TAS2R1: variants seen among roughly 807,000 people sequenced by gnomAD.
TAS2R1 encodes the protein taste 2 receptor member 1, also known as taste receptor type 2 member 1.
For missense variants in TAS2R1, 370 were observed against 353.4 expected (o/e 1.05, Z -0.38); for synonymous variants, 141 against 134.2 (o/e 1.05, Z -0.35).
At chr5:9,836,693 G>A in the TAS2R1 span, among the ~76,000 whole-genome samples, 9,119 of 152,214 alleles carry the variant, frequency 0.06, 650 homozygotes, top group East Asian at 0.23. Flanking sequence ...TCCTTTTCCT[G>A]ATGGTTAGTG....
intron 1 of TAS2R1, among the ~76,000 whole-genome samples, chr5:9,704,363 G>GAA (rs5865850): frequency 2.0e-5 from 3 of 148,084 alleles, no homozygotes; most frequent in South Asian, 2.2e-4. Flanking sequence ...GCTCCACTGA[G>GAA]AAAAAAAAAA....
the TAS2R1 span, among the ~76,000 whole-genome samples, chr5:9,748,752 C>T: frequency 6.6e-6 from 1 of 152,162 alleles, no homozygotes; most frequent in African/African-American, 2.4e-5. Flanking sequence ...AAATACATCC[C>T]ATTAGGCCTC....
intron 2 of TAS2R1, among the ~76,000 whole-genome samples, chr5:9,656,563 A>G (rs1740421852): frequency 6.6e-6 from 1 of 152,156 alleles, no homozygotes; most frequent in Non-Finnish European, 1.5e-5. Flanking sequence ...TCAGCCTTTG[A>G]TACTATTAAG....
At chr5:9,782,443 G>T in the TAS2R1 span, among the ~76,000 whole-genome samples, 1 of 90,764 alleles carries the variant, frequency 1.1e-5, no homozygotes, top group African/African-American at 4.3e-5. Flanking sequence ...CCCTGGGTGG[G>T]CATCCTGATG....
chr5:9,882,195 T>C, the TAS2R1 span, among the ~76,000 whole-genome samples: 2 of 152,078 alleles, frequency 1.3e-5, no homozygotes, highest in African/African-American at 2.4e-5. Context: ...CCAAAGGACA[T>C]GAACAGACAC....
upstream of TAS2R1, among the ~76,000 whole-genome samples, chr5:9,716,670 T>C (rs1357614507): frequency 2.6e-5 from 4 of 152,130 alleles, no homozygotes; most frequent in African/African-American, 4.8e-5. Flanking sequence ...CCCTTTTCTC[T>C]AGGGGTACAG....
chr5:9,869,310 T>G, the TAS2R1 span, among the ~76,000 whole-genome samples: 1 of 152,210 alleles, frequency 6.6e-6, no homozygotes, highest in African/African-American at 2.4e-5. Flanking sequence ...TTAGCATGGC[T>G]GGGGAGGCCT....
intron 1 of TAS2R1, among the ~76,000 whole-genome samples, chr5:9,692,947 T>A (rs1375388304): frequency 6.6e-6 from 1 of 152,152 alleles, no homozygotes; most frequent in Non-Finnish European, 1.5e-5. Context: ...ATTTGGTTTA[T>A]CTCTCTCTAT....
the TAS2R1 span, among the ~76,000 whole-genome samples, chr5:9,838,336 G>A: frequency 2.6e-5 from 4 of 152,090 alleles, no homozygotes; most frequent in Admixed American, 1.3e-4. Context: ...CCCAGAAGCC[G>A]AGTCTGAGAA....
At chr5:9,689,712 TTC>T (rs1561379697) in intron 1 of TAS2R1, among the ~76,000 whole-genome samples, 1 of 152,118 alleles carries the variant, frequency 6.6e-6, no homozygotes. Context: ...TAAAAAAAAT[TTC>T]TGTCTATAAG....
At chr5:9,650,558 C>G (rs1046058494) in intron 2 of TAS2R1, among the ~76,000 whole-genome samples, 1 of 152,134 alleles carries the variant, frequency 6.6e-6, no homozygotes, top group African/African-American at 2.4e-5. Context: ...CAGGGTGGAC[C>G]TGGTGGTGTG....
At chr5:9,900,721 T>C in the TAS2R1 span, among the ~76,000 whole-genome samples, 1 of 150,608 alleles carries the variant, frequency 6.6e-6, no homozygotes, top group East Asian at 2.0e-4. Context: ...CCCGGGTTCA[T>C]GCCATTCTCC....
intron 1 of TAS2R1, among the ~76,000 whole-genome samples, chr5:9,700,800 A>C (rs1741463921): frequency 6.6e-6 from 1 of 152,016 alleles, no homozygotes; most frequent in Non-Finnish European, 1.5e-5. Flanking sequence ...CTTTCTGTGC[A>C]TGTCTCTGTC....
At chr5:9,772,613 T>C in the TAS2R1 span, among the ~76,000 whole-genome samples, 111 of 152,230 alleles carry the variant, frequency 7.3e-4, no homozygotes, top group Non-Finnish European at 1.1e-3. Flanking sequence ...TCTCCAGCTA[T>C]GATTGTATTG....
chr5:9,784,473 T>G, the TAS2R1 span, among the ~76,000 whole-genome samples: 2 of 152,158 alleles, frequency 1.3e-5, no homozygotes, highest in African/African-American at 4.8e-5. Context: ...GAACATTCAA[T>G]GTAGGCAAAG....
At chr5:9,787,531 G>A in the TAS2R1 span, among the ~76,000 whole-genome samples, 2 of 152,168 alleles carry the variant, frequency 1.3e-5, no homozygotes, top group Non-Finnish European at 2.9e-5. Context: ...TGAAATGCCT[G>A]GTAACACATG....
chr5:9,802,935 A>G, the TAS2R1 span, among the ~76,000 whole-genome samples: 1 of 152,176 alleles, frequency 6.6e-6, no homozygotes, highest in Non-Finnish European at 1.5e-5. Flanking sequence ...AAGAAGGTCA[A>G]TCATTAAGCA....
the TAS2R1 span, among the ~76,000 whole-genome samples, chr5:9,789,840 AGCAACAAGTATATT>A: frequency 1.6e-4 from 24 of 152,366 alleles, no homozygotes; most frequent in African/African-American, 5.8e-4. Flanking sequence ...AGGGATTTAC[AGCAACAAGTATATT>A]GCAACAAGTA....
chr5:9,644,403 T>C (rs919884424), intron 2 of TAS2R1, among the ~76,000 whole-genome samples: 1 of 152,084 alleles, frequency 6.6e-6, no homozygotes, highest in African/African-American at 2.4e-5. Flanking sequence ...GGAAATTCAG[T>C]TGGCTTTGAT....
Sources: gnomAD v4.1 joint callset for allele counts (sites outside exome capture counted in the v4.1 genomes callset) on GRCh38, gnomAD v4.1.1 for gene constraint, MANE v1.5 for transcripts, NCBI Gene and HGNC (gene_info 2026-07-23, HGNC 2026-07-21) for gene names.